The following PITHD1 variants were observed in gnomAD, a reference collection of about 807,000 sequenced individuals.
The protein encoded by PITHD1 is PITH domain-containing protein 1.
A neutral mutation model predicts 27.5 loss-of-function variants in PITHD1; 8 were observed. The observed-to-expected ratio is 0.29, with a 90% CI of 0.17 to 0.52. The LOEUF is 0.52. Ranked by LOEUF, PITHD1 falls within the 20% of genes least tolerant of loss-of-function variation. The pLI, the probability that PITHD1 is intolerant of heterozygous loss-of-function variation, is 0.96. For synonymous variants in PITHD1, 118 were observed against 106.8 expected (o/e 1.10, Z -0.64); for missense variants, 233 against 283.9 (o/e 0.82, Z 1.29).
intron 3 of PITHD1, 45 bp from the exon 4 acceptor site, chr1:23,785,630 G>A (rs749227625): frequency 2.6e-5 from 32 of 1,254,404 alleles, no homozygotes; most frequent in African/African-American, 3.0e-5. Context: ...AACCTGAAAC[G>A]TGATAATGCA....
chr1:23,779,818 G>A (rs371081960), intron 2 of PITHD1, 46 bp from the exon 3 acceptor site: 2 of 1,394,112 alleles, frequency 1.4e-6, no homozygotes, highest in Admixed American at 3.3e-5. Context: ...AACTAAACAG[G>A]TATTCAAACT....
At chr1:23,782,475 T>A (rs967340668) in intron 3 of PITHD1, among the ~76,000 whole-genome samples, 19 of 151,506 alleles carry the variant, frequency 1.3e-4, no homozygotes, top group Non-Finnish European at 2.1e-4. Context: ...CATGCCTCAA[T>A]CCCAGCACTT....
intron 5 of PITHD1, 129 bp from the exon 6 acceptor site, chr1:23,787,146 A>T: frequency 1.8e-6 from 1 of 564,288 alleles, no homozygotes; most frequent in Non-Finnish European, 3.2e-6. Flanking sequence ...ACATCTAAGT[A>T]TTAAAATAAG....
chr1:23,785,930 C>G, intron 4 of PITHD1, 151 bp downstream of exon 4: 2 of 590,174 alleles, frequency 3.4e-6, no homozygotes, highest in Non-Finnish European at 6.1e-6. Context: ...GGCAGAGATT[C>G]AGTGCAAGCC....
At chr1:23,779,553 T>A in intron 2 of PITHD1, 72 bp downstream of exon 2, 1 of 1,136,162 alleles carries the variant, frequency 8.8e-7, no homozygotes, top group Non-Finnish European at 1.3e-6. Context: ...ATTCATTCAC[T>A]GGTGTCAAGA....
At chr1:23,784,340 A>G (rs951924183) in intron 3 of PITHD1, among the ~76,000 whole-genome samples, 2 of 139,244 alleles carry the variant, frequency 1.4e-5, no homozygotes, top group African/African-American at 2.7e-5. Flanking sequence ...TCCCAGGTTC[A>G]TGCCATTCTC....
chr1:23,784,442 G>T (rs1395796065), intron 3 of PITHD1, among the ~76,000 whole-genome samples: 1 of 151,540 alleles, frequency 6.6e-6, no homozygotes, highest in Non-Finnish European at 1.5e-5. Context: ...GGGTTTCACC[G>T]TGTTAGCCAG....
At chr1:23,784,204 T>G (rs2148401389) in intron 3 of PITHD1, among the ~76,000 whole-genome samples, 1 of 151,596 alleles carries the variant, frequency 6.6e-6, no homozygotes, top group South Asian at 2.1e-4. Flanking sequence ...GCATCATTCT[T>G]AGAAACACTT....
intron 1 of PITHD1, 76 bp downstream of exon 1, chr1:23,778,789 ATGTTAAGAATAACGACAGCCTG>A: frequency 1.1e-6 from 1 of 872,188 alleles, no homozygotes; most frequent in Non-Finnish European, 1.5e-6. Context: ...CTCATTTCTG[ATGTTAAGAATAACGACAGCCTG>A]GTTGCCAAGC....
intron 3 of PITHD1, among the ~76,000 whole-genome samples, chr1:23,783,430 C>CACGTGTGT (rs1638637672): frequency 2.2e-5 from 3 of 134,382 alleles, no homozygotes; most frequent in Admixed American, 7.5e-5. Flanking sequence ...CGTATATATA[C>CACGTGTGT]GTGTGTGTGT....
chr1:23,783,043 C>T (rs963065062), intron 3 of PITHD1, among the ~76,000 whole-genome samples: 1 of 152,052 alleles, frequency 6.6e-6, no homozygotes, highest in African/African-American at 2.4e-5. Context: ...GTCGCCCAGG[C>T]TGGAGTGCAG....
At chr1:23,779,244 C>A in intron 1 of PITHD1, 194 bp from the exon 2 acceptor site, 1 of 553,680 alleles carries the variant, frequency 1.8e-6, no homozygotes, top group Non-Finnish European at 3.2e-6. Context: ...TAAGAACCTT[C>A]CAGTTGGGTG....
Position 23,779,652 on chromosome 1 carries a change from A to G in PITHD1, c.242+171A>G, listed in dbSNP as rs548326663. ...AGCTTTCTTGGTGCAGACTGGAAAC[A>G]GATGTATTTGTAGAACAATAACTGA... On this transcript the variant is annotated intron_variant, in intron 2 of 5. Transcript: ENST00000246151. 4 of 667,706 alleles carry G rather than the reference A, an allele frequency of 6.0e-6. No homozygotes were observed. The Admixed American group carries it at 1.0e-4, about 17-fold the overall frequency. 41.4% of individuals were successfully genotyped at this position (667,706 alleles called of 1,614,324 possible).
chr1:23,785,267 C>T (rs192450464), intron 3 of PITHD1: 28 of 160,714 alleles, frequency 1.7e-4, no homozygotes, highest in African/African-American at 6.2e-4. Context: ...CCGACGTAGG[C>T]GGATCACCTG....
chr1:23,778,781 C>T (rs1229934136), intron 1 of PITHD1, 68 bp downstream of exon 1: 3 of 924,446 alleles, frequency 3.2e-6, no homozygotes, highest in South Asian at 9.2e-5. Context: ...TCGGTCTACT[C>T]ATTTCTGATG....
chr1:23,784,596 G>A (rs1638656859), intron 3 of PITHD1, among the ~76,000 whole-genome samples: 2 of 152,020 alleles, frequency 1.3e-5, no homozygotes, highest in South Asian at 2.1e-4. Context: ...CTTCTGTGTG[G>A]GTGTGTCAAT....
intron 3 of PITHD1, chr1:23,785,251 C>T (rs928373972): frequency 2.6e-5 from 4 of 156,142 alleles, no homozygotes; most frequent in South Asian, 1.9e-4. Flanking sequence ...CCAGCACTTT[C>T]GGAGACCGAC....
intron 3 of PITHD1, among the ~76,000 whole-genome samples, chr1:23,783,390 C>T (rs1471193327): frequency 1.2e-5 from 1 of 80,962 alleles, no homozygotes; most frequent in African/African-American, 5.7e-5. Context: ...TGTATATATA[C>T]ATATATACGC....
chr1:23,786,726 A>T (rs917525509), intron 5 of PITHD1, among the ~76,000 whole-genome samples: 31 of 151,546 alleles, frequency 2.0e-4, no homozygotes, highest in African/African-American at 6.3e-4. Flanking sequence ...AGTAGCTGGG[A>T]TTACAGGTGC....
Sources: allele counts gnomAD v4.1 joint callset (sites outside exome capture counted in the v4.1 genomes callset), GRCh38; gene constraint gnomAD v4.1.1; transcripts MANE v1.5; gene names NCBI Gene and HGNC (gene_info 2026-07-23, HGNC 2026-07-21).